KPNA1: variants seen among roughly 807,000 people sequenced by gnomAD.
KPNA1 encodes the protein importin subunit alpha-5.
Under a neutral mutation model 70.5 loss-of-function variants are expected in KPNA1, and 10 were observed. The ratio of observed to expected loss-of-function variants is 0.14; its 90% CI spans 0.09 to 0.24. The LOEUF (loss-of-function observed/expected upper bound fraction) is 0.24, where lower values mean the gene tolerates loss of function less well. KPNA1 is among the 10% of genes least tolerant of loss of function. The probability of loss-of-function intolerance (pLI) is 1.00; values close to 1 mark genes in which losing one functional copy is unlikely to be tolerated. For missense variants in KPNA1, 397 were observed against 637.9 expected (o/e 0.62, Z 4.07); for synonymous variants, 192 against 221.9 (o/e 0.87, Z 1.20).
chr3:122,482,969 C>A (rs1321090018), intron 2 of KPNA1: 1 of 152,576 alleles, frequency 6.6e-6, no homozygotes, highest in Non-Finnish European at 1.5e-5. Context: ...CGCCTCTCCA[C>A]CACCAAAATA....
At chr3:122,494,939 T>C (rs1036177864) in intron 2 of KPNA1, among the ~76,000 whole-genome samples, 1 of 152,094 alleles carries the variant, frequency 6.6e-6, no homozygotes, top group Non-Finnish European at 1.5e-5. Context: ...TATATGAATA[T>C]AAATATATAA....
rs2075802875 is a variant in KPNA1 at position 122,424,987 on chromosome 3, G to A, written c.*1998C>T. 6.6e-6 allele frequency: 1 copy of A among 152,608 alleles called. No individual in the cohort carries two copies. The highest frequency in any genetic ancestry group is 1.5e-5 in the Non-Finnish European group (1 of 68,036). The allele number at this position is 152,608 out of a possible 1,614,324, so 9.5% of individuals were successfully genotyped here. Reference sequence around the variant, plus strand: ...AAAGAATCAGTCTTTTACAGGTCAAGTGCAGTAAACTAAAATGTTCTCTCA... The same window carrying A: ...AAAGAATCAGTCTTTTACAGGTCAAATGCAGTAAACTAAAATGTTCTCTCA... On this transcript the variant is annotated 3_prime_UTR_variant, in exon 14 of 14. Coordinates refer to ENST00000344337, the MANE Select transcript of KPNA1 (RefSeq NM_002264.4).
chr3:122,447,525 AAAT>A (rs1310785495), intron 9 of KPNA1, among the ~76,000 whole-genome samples: 1 of 152,190 alleles, frequency 6.6e-6, no homozygotes, highest in Non-Finnish European at 1.5e-5. Context: ...CCATATCTCA[AAAT>A]AATAAGAGCT....
At chr3:122,491,354 G>A (rs541393742) in intron 2 of KPNA1, among the ~76,000 whole-genome samples, 2 of 152,218 alleles carry the variant, frequency 1.3e-5, no homozygotes, top group Middle Eastern at 3.4e-3. Flanking sequence ...GCAAAGCTAT[G>A]TCAACAGTAT....
intron 2 of KPNA1, among the ~76,000 whole-genome samples, chr3:122,488,515 T>A (rs1212270630): frequency 6.6e-6 from 1 of 152,212 alleles, no homozygotes; most frequent in Non-Finnish European, 1.5e-5. Context: ...AGAATGAGAC[T>A]CTGTCTCCAG....
At chr3:122,460,299 T>G in intron 5 of KPNA1, 3 of 985,130 alleles carry the variant, frequency 3.0e-6, no homozygotes, top group Non-Finnish European at 3.6e-6. Context: ...TTAGAATTTC[T>G]AGGATGAGAG....
chr3:122,505,569 C>T (rs1165801093), intron 1 of KPNA1, among the ~76,000 whole-genome samples: 5 of 152,102 alleles, frequency 3.3e-5, no homozygotes, highest in Admixed American at 1.3e-4. Flanking sequence ...TCAAAGTACC[C>T]TCTCAGGAAT....
chr3:122,467,221 C>A, intron 3 of KPNA1, 101 bp downstream of exon 3: 3 of 543,818 alleles, frequency 5.5e-6, no homozygotes, highest in East Asian at 6.4e-5. Context: ...AATGAAATGC[C>A]AAGTACTTTT....
intron 11 of KPNA1, 38 bp from the exon 12 acceptor site, chr3:122,433,826 A>G (rs1290753163): frequency 6.7e-6 from 10 of 1,485,750 alleles, no homozygotes; most frequent in African/African-American, 2.9e-5. Context: ...AAAAACTGTG[A>G]GATTTATAAA....
In KPNA1 at chr3:122,442,082, G is replaced by T. The variant is rs1186182751; in HGVS notation, c.952C>A (p.Arg318=). ...CCTGTGACAATGTTTCCCACAGCTC[G>T]CAAAGCAGGAGAAACCACTTTATAA... is the stretch of plus-strand genomic sequence containing the variant. ...NDYKVVSPAL[R]AVGNIVTGDD... is the part of the protein sequence containing the mutation. The change falls in exon 10 of 14, where the codon CGA becomes AGA. Residue 318 remains arginine (R), a synonymous_variant. Coordinates refer to ENST00000344337, the MANE Select transcript of KPNA1 (RefSeq NM_002264.4). The T allele has an allele frequency of 1.9e-6, 3 of 1,613,588 alleles. No homozygotes were observed. Among genetic ancestry groups the T allele is most frequent in the Non-Finnish European group, 2.5e-6 (3 of 1,179,732 alleles).
In KPNA1 at chr3:122,422,185, TAGGA is replaced by T. The variant is rs2075771763; in HGVS notation, c.*4796_*4799del. 1 of 152,198 alleles carries T rather than the reference TAGGA, an allele frequency of 6.6e-6. No homozygotes were observed. Among genetic ancestry groups the T allele is most frequent in the African/African-American group, 2.4e-5 (1 of 41,456 alleles). The allele number at this position is 152,198 out of a possible 1,614,324, so 9.4% of individuals were successfully genotyped here. A position where few individuals can be genotyped will look rare whatever the true frequency, so the allele number is the denominator to read the frequency against. The stretch of plus-strand genomic sequence containing the variant: ...GACATTCCTTGGGATGATATTCCTT[TAGGA>T]AGAAGTAGACTGTGTTAAATTCGCA... On this transcript the variant is annotated 3_prime_UTR_variant, in exon 14 of 14. Transcript: ENST00000344337.
chr3:122,490,047 G>A (rs2107491150), intron 2 of KPNA1, among the ~76,000 whole-genome samples: 1 of 152,306 alleles, frequency 6.6e-6, no homozygotes, highest in Admixed American at 6.5e-5. Context: ...TAAGTACCAG[G>A]CACTGTTCCG....
At chr3:122,509,221 G>A (rs1207681830) in intron 1 of KPNA1, among the ~76,000 whole-genome samples, 2 of 150,290 alleles carry the variant, frequency 1.3e-5, no homozygotes, top group Admixed American at 1.3e-4. Flanking sequence ...ACTCACTTGG[G>A]CAACTGAACA....
chr3:122,462,764 G>A (rs2076338311), intron 4 of KPNA1, among the ~76,000 whole-genome samples: 1 of 151,922 alleles, frequency 6.6e-6, no homozygotes, highest in Non-Finnish European at 1.5e-5. Flanking sequence ...AACCTCAAGG[G>A]ATATATTAAA....
intron 1 of KPNA1, among the ~76,000 whole-genome samples, chr3:122,512,440 G>A (rs2076965089): frequency 6.6e-6 from 1 of 152,218 alleles, no homozygotes; most frequent in Admixed American, 6.5e-5. Context: ...AACATAATGC[G>A]GCTGGGCGCG....
At position 122,463,985 on chromosome 3, in the gene KPNA1, T is replaced by C; in HGVS notation, c.294A>G (p.Gln98=). 2 of 1,608,362 alleles carry C rather than the reference T, an allele frequency of 1.2e-6. No individual in the cohort carries two copies. The highest frequency in any genetic ancestry group is 1.7e-6 in the Non-Finnish European group (2 of 1,176,504). The change falls in exon 4 of 14, where the codon CAA becomes CAG. Residue 98 remains glutamine (Q), a synonymous_variant. Coordinates refer to ENST00000344337, the MANE Select transcript of KPNA1 (RefSeq NM_002264.4). The part of the protein sequence containing the change: ...IEMIFSKSPE[Q]QLSATQKFRK... ...TGAATTTCTGTGTTGCTGAAAGCTG[T>C]TGCTCTGGGCTTTTGGAAAATATCA...
At chr3:122,508,130 AT>A (rs936659784) in intron 1 of KPNA1, among the ~76,000 whole-genome samples, 8 of 151,906 alleles carry the variant, frequency 5.3e-5, no homozygotes, top group Non-Finnish European at 7.4e-5. Context: ...TTATAAAGAA[AT>A]TTTTTTTTCA....
At chr3:122,464,119 G>T in intron 3 of KPNA1, 78 bp from the exon 4 acceptor site, 1 of 686,358 alleles carries the variant, frequency 1.5e-6, no homozygotes, top group Non-Finnish European at 2.3e-6. Flanking sequence ...AGATATCATG[G>T]CCAAGTTATT....
rs61750349 is a variant in KPNA1, at chr3:122,433,726, C to T, written c.1185G>A (p.Arg395=). 0.011 allele frequency: 18,191 copies of T among 1,613,390 alleles called. 113 individuals carry two copies. Among genetic ancestry groups the T allele is most frequent in the Non-Finnish European group, 0.013 (15,575 of 1,179,632 alleles). The part of the protein sequence containing the change: ...LISILQTAEF[R]TRKEAAWAIT... ...TGGCCCAAGCTGCTTCTTTTCTTGT[C>T]CGAAATTCAGCAGTTTGTAAAATAC... is the stretch of plus-strand genomic sequence containing the variant. The change falls in exon 12 of 14, where the codon CGG becomes CGA. Residue 395 remains arginine, a synonymous_variant. Transcript: ENST00000344337.
Sources: allele counts gnomAD v4.1 joint callset (sites outside exome capture counted in the v4.1 genomes callset), GRCh38; gene constraint gnomAD v4.1.1; transcripts MANE v1.5; gene names NCBI Gene and HGNC (gene_info 2026-07-23, HGNC 2026-07-21).